Variants in FHIT observed in about 807,000 individuals in gnomAD.
FHIT encodes the protein bis(5'-adenosyl)-triphosphatase.
Under a neutral mutation model 17.9 loss-of-function variants are expected in FHIT, and 19 were observed. That is an observed-to-expected ratio of 1.06 (90% CI 0.74 to 1.56). The LOEUF is 1.56. Among genes scored for constraint, FHIT ranks in the 40% most tolerant of loss-of-function variants. The pLI, the probability that FHIT is intolerant of heterozygous loss-of-function variation, is 0.00. For synonymous variants in FHIT, 81 were observed against 69.7 expected (o/e 1.16, Z -0.81); for missense variants, 248 against 189.2 (o/e 1.31, Z -1.82).
intron 3 of FHIT, among the ~76,000 whole-genome samples, chr3:60,924,636 T>C (rs1225440763): frequency 6.6e-6 from 1 of 152,066 alleles, no homozygotes; most frequent in Non-Finnish European, 1.5e-5. Context: ...CTGGAAACTC[T>C]AAAAATCAGA....
At chr3:60,586,250 TAGG>T (rs1386458437) in intron 4 of FHIT, among the ~76,000 whole-genome samples, 1 of 152,000 alleles carries the variant, frequency 6.6e-6, no homozygotes, top group East Asian at 1.9e-4. Context: ...GTAAGCAGGG[TAGG>T]AGGACAGCAA....
intron 7 of FHIT, among the ~76,000 whole-genome samples, chr3:59,942,492 G>A (rs1466575729): frequency 2.6e-5 from 4 of 152,090 alleles, no homozygotes; most frequent in Non-Finnish European, 5.9e-5. Context: ...GCATATTTAC[G>A]AGACAGAACA....
chr3:60,732,484 G>A (rs2042049988), intron 4 of FHIT: 2 of 696,988 alleles, frequency 2.9e-6, no homozygotes, highest in Admixed American at 3.6e-5. Flanking sequence ...TGTGAAAGCA[G>A]GAACCCTCAC....
At chr3:59,751,236 C>CTCTCTCTCCTGTTTGATAGATACATT (rs1403867122) in intron 9 of FHIT, 69 of 47,374 alleles carry the variant, frequency 1.5e-3, no homozygotes, top group African/African-American at 3.6e-3. Context: ...ATACATTTCT[C>CTCTCTCTCCTGTTTGATAGATACATT]TCTCTCTCTC....
chr3:61,206,796 T>C (rs1187947499), intron 1 of FHIT, among the ~76,000 whole-genome samples: 2 of 152,152 alleles, frequency 1.3e-5, no homozygotes, highest in Non-Finnish European at 2.9e-5. Context: ...TTTTCCTAAT[T>C]CAATACCCTT....
intron 1 of FHIT, among the ~76,000 whole-genome samples, chr3:61,208,241 G>C (rs2039321153): frequency 1.3e-5 from 2 of 151,836 alleles, no homozygotes; most frequent in South Asian, 4.2e-4. Context: ...CCAACTATGT[G>C]GTCAATTTCA....
rs952886055 is a variant in FHIT, at chr3:59,747,696, G to A, written c.*1889C>T. ...AAGACAGACTGTCGGCAAGCAAAATGTCAGAGGCAAGCACTGAGATTTGAC... is the reference window on the plus strand; with the variant it reads ...AAGACAGACTGTCGGCAAGCAAAATATCAGAGGCAAGCACTGAGATTTGAC... On this transcript the variant is annotated 3_prime_UTR_variant, in exon 10 of 10. Coordinates refer to ENST00000492590, the MANE Select transcript of FHIT (RefSeq NM_002012.4). 2.6e-5 allele frequency among the ~76,000 whole-genome samples: 4 copies of A among 152,048 alleles called. No individual in the cohort carries two copies. Among genetic ancestry groups the A allele is most frequent in the Non-Finnish European group, 5.9e-5 (4 of 68,002 alleles).
chr3:60,226,013 T>C (rs532387590), intron 5 of FHIT, among the ~76,000 whole-genome samples: 2 of 152,222 alleles, frequency 1.3e-5, no homozygotes, highest in South Asian at 2.1e-4. Context: ...ATACGAATCA[T>C]GGGACTAAGC....
At chr3:60,611,556 A>G (rs1160596736) in intron 4 of FHIT, among the ~76,000 whole-genome samples, 3 of 152,208 alleles carry the variant, frequency 2.0e-5, no homozygotes, top group Admixed American at 1.3e-4. Flanking sequence ...AGGTATGGAA[A>G]GAAACCATTG....
At chr3:61,201,814 G>A (rs1362922845) in intron 1 of FHIT, among the ~76,000 whole-genome samples, 8 of 152,142 alleles carry the variant, frequency 5.3e-5, no homozygotes, top group Admixed American at 5.2e-4. Flanking sequence ...ATAAAATAGT[G>A]TAATATTGCA....
intron 5 of FHIT, among the ~76,000 whole-genome samples, chr3:60,241,170 T>G (rs191942719): frequency 1.3e-5 from 2 of 152,266 alleles, no homozygotes; most frequent in Admixed American, 1.3e-4. Flanking sequence ...GGATTCCATT[T>G]CTTAAAAGAC....
chr3:60,349,236 G>A (rs1710954200), intron 5 of FHIT, among the ~76,000 whole-genome samples: 1 of 152,266 alleles, frequency 6.6e-6, no homozygotes, highest in East Asian at 1.9e-4. Context: ...AGTGCTGGAA[G>A]CTTACTCAAC....
chr3:60,285,411 C>T (rs213372), intron 5 of FHIT, among the ~76,000 whole-genome samples: 142,202 of 152,206 alleles, frequency 0.93, 66,535 homozygotes, highest in East Asian at 0.99. Context: ...TTAAGTTATA[C>T]TATAGAATGA....
chr3:60,811,091 C>T (rs1453992678), intron 4 of FHIT, among the ~76,000 whole-genome samples: 1 of 151,976 alleles, frequency 6.6e-6, no homozygotes, highest in Admixed American at 6.6e-5. Context: ...TGAACAAGAT[C>T]GTAAAAGTCT....
At position 60,764,569 on chromosome 3, in the gene FHIT, A is replaced by C. The variant is rs1553720919; in HGVS notation, c.-18+57350T>G. ...GGAAAAAATACGAAGAAAAGTTTCAACTTAACCCTTCTGTAACTTTCTATT... is the reference window on the plus strand; with the variant it reads ...GGAAAAAATACGAAGAAAAGTTTCACCTTAACCCTTCTGTAACTTTCTATT... On this transcript the variant is annotated intron_variant, in intron 4 of 9. Transcript: ENST00000492590. Among the ~76,000 whole-genome samples the C allele has an allele frequency of 2.6e-5, 4 of 152,178 alleles. No individual in the cohort carries two copies. In the East Asian group the frequency reaches 7.7e-4, roughly 29 times the overall value.
Position 60,860,932 on chromosome 3 carries a change from T to A in FHIT, c.-110-38921A>T, listed in dbSNP as rs1703768079. 1.9e-5 allele frequency among the ~76,000 whole-genome samples: 2 copies of A among 107,818 alleles called. 1 individual carries two copies. The highest frequency in any genetic ancestry group is 6.8e-5 in the African/African-American group (2 of 29,526). The allele number at this position is 107,818 out of a possible 152,430, so 70.7% of individuals were successfully genotyped here. A position where few individuals can be genotyped will look rare whatever the true frequency, so the allele number is the denominator to read the frequency against. On this transcript the variant is annotated intron_variant, in intron 3 of 9. Coordinates refer to ENST00000492590, the MANE Select transcript of FHIT (RefSeq NM_002012.4). ...TGTATATATGATACATATATACGTATATATCATGTATATATGATACATATA... is the reference window on the plus strand; with the variant it reads ...TGTATATATGATACATATATACGTAAATATCATGTATATATGATACATATA...
rs372043548 is a variant in FHIT, at chr3:60,246,769, T to C, written c.104-232617A>G. On this transcript the variant is annotated intron_variant, in intron 5 of 9. Coordinates refer to ENST00000492590, the MANE Select transcript of FHIT (RefSeq NM_002012.4). The stretch of plus-strand genomic sequence containing the variant: ...TTACAAATTATTGACCTTCTTCATA[T>C]TGACATTCTCCACACAGTCTACAAT... 2.1e-4 allele frequency among the ~76,000 whole-genome samples: 32 copies of C among 152,270 alleles called. 1 individual carries two copies. Among genetic ancestry groups the C allele is most frequent in the African/African-American group, 5.3e-4 (22 of 41,580 alleles).
At chr3:60,364,774 T>C (rs899919366) in intron 5 of FHIT, among the ~76,000 whole-genome samples, 1 of 152,156 alleles carries the variant, frequency 6.6e-6, no homozygotes, top group African/African-American at 2.4e-5. Flanking sequence ...TTTCCTAATA[T>C]GGATGGGCAT....
chr3:60,150,827 G>A (rs1408541320), intron 5 of FHIT, among the ~76,000 whole-genome samples: 1 of 151,920 alleles, frequency 6.6e-6, no homozygotes, highest in Non-Finnish European at 1.5e-5. Flanking sequence ...GCTGAGGTAG[G>A]AGAATTGCTT....
Sources: allele counts gnomAD v4.1 joint callset (sites outside exome capture counted in the v4.1 genomes callset), GRCh38; gene constraint gnomAD v4.1.1; transcripts MANE v1.5; gene names NCBI Gene and HGNC (gene_info 2026-07-23, HGNC 2026-07-21).